The following PDAP1 variants were observed in gnomAD, a reference collection of about 807,000 sequenced individuals.
The protein encoded by PDAP1 is PDGFA associated protein 1.
Under a neutral mutation model 28.0 loss-of-function variants are expected in PDAP1, and 13 were observed. The ratio of observed to expected loss-of-function variants is 0.46; its 90% CI spans 0.30 to 0.74. PDAP1 has a LOEUF of 0.74. Ranked by LOEUF, PDAP1 falls within the 30% of genes least tolerant of loss-of-function variation. The probability of loss-of-function intolerance (pLI) is 0.07; values close to 1 mark genes in which losing one functional copy is unlikely to be tolerated. For missense variants in PDAP1, 150 were observed against 230.0 expected, an observed-to-expected ratio of 0.65 and a Z score of 2.25; for synonymous variants, 77 against 85.1, an observed-to-expected ratio of 0.91 and a Z score of 0.52.
At chr7:99,403,848 C>G (rs945126352) in intron 2 of PDAP1, among the ~76,000 whole-genome samples, 2 of 152,158 alleles carry the variant, frequency 1.3e-5, no homozygotes, top group African/African-American at 4.8e-5. Context: ...AGCCACCAGG[C>G]TGAAAACCAC....
At chr7:99,398,123 G>A (rs752321152) in intron 4 of PDAP1, 110 bp from the exon 5 acceptor site, 14 of 1,281,960 alleles carry the variant, frequency 1.1e-5, no homozygotes, top group African/African-American at 1.5e-5. Flanking sequence ...AGGTGGAAGG[G>A]GTGCCCTGGC....
intron 5 of PDAP1, 112 bp downstream of exon 5, chr7:99,397,750 G>T: frequency 7.5e-7 from 1 of 1,335,674 alleles, no homozygotes; most frequent in Non-Finnish European, 1.0e-6. Context: ...CTAGGCAGCA[G>T]TCACTCCTCA....
rs1794715686 is a variant in PDAP1, at chr7:99,394,825, T to C, written c.*1857A>G. On this transcript the variant is annotated 3_prime_UTR_variant, in exon 6 of 6. Transcript: ENST00000350498. The stretch of plus-strand genomic sequence containing the variant: ...AAGTAATTATGGACATGCTTGCCTA[T>C]GTGGAAGGAGAGGTTTTTTGTTATT... 1.6e-6 allele frequency: 2 copies of C among 1,242,420 alleles called. No individual in the cohort carries two copies. The highest frequency in any genetic ancestry group is 3.1e-4 in the Middle Eastern group (1 of 3,262). 77.0% of individuals were successfully genotyped at this position (1,242,420 alleles called of 1,614,324 possible).
intron 2 of PDAP1, among the ~76,000 whole-genome samples, chr7:99,404,571 G>A (rs554295585): frequency 3.3e-5 from 5 of 152,276 alleles, no homozygotes; most frequent in South Asian, 2.1e-4. Context: ...GACAGGTCCT[G>A]CAGGAGGGAG....
At chr7:99,408,489 C>G (rs1002329777) in intron 1 of PDAP1, 47 bp downstream of exon 1, 5 of 1,344,458 alleles carry the variant, frequency 3.7e-6, no homozygotes, top group Admixed American at 3.5e-5. Context: ...GAAGCCGGAC[C>G]TGGGCCGCCC....
rs1030494053 is a variant in PDAP1 at position 99,400,286 on chromosome 7, C to T, written c.335+17G>A. On this transcript the variant is annotated intron_variant, in intron 4 of 5. Transcript: ENST00000350498. Reference sequence around the variant, plus strand: ...GCCTGTATTCCCCGTGACACAAGGCCCAGCCAGTGATGTTACCGTTCTCTC... The same window carrying T: ...GCCTGTATTCCCCGTGACACAAGGCTCAGCCAGTGATGTTACCGTTCTCTC... 1 of 1,612,720 alleles carries T rather than the reference C, an allele frequency of 6.2e-7. No homozygotes were observed. Among genetic ancestry groups the T allele is most frequent in the African/African-American group, 1.3e-5 (1 of 74,886 alleles).
chr7:99,407,775 G>GGATAGAGAACGGGCTAGAA (rs1295993526), intron 1 of PDAP1, among the ~76,000 whole-genome samples: 1 of 152,186 alleles, frequency 6.6e-6, no homozygotes, highest in East Asian at 1.9e-4. Context: ...GGGGGAAACA[G>GGATAGAGAACGGGCTAGAA]GATAGAGAAC....
intron 4 of PDAP1, among the ~76,000 whole-genome samples, chr7:99,399,251 GATA>G (rs894553749): frequency 3.2e-4 from 48 of 152,300 alleles, no homozygotes; most frequent in African/African-American, 1.1e-3. Flanking sequence ...GAGCTGAGGA[GATA>G]ATACCTGGCG....
chr7:99,406,713 T>G (rs1222221790), intron 1 of PDAP1: 6 of 590,794 alleles, frequency 1.0e-5, no homozygotes, highest in Non-Finnish European at 1.3e-5. Context: ...CCACCTGATT[T>G]CCATAGTCTG....
At chr7:99,398,354 G>A (rs937575938) in intron 4 of PDAP1, among the ~76,000 whole-genome samples, 1 of 152,222 alleles carries the variant, frequency 6.6e-6, no homozygotes, top group Non-Finnish European at 1.5e-5. Context: ...GAGTGTTCCA[G>A]AGAAGATGAC....
At chr7:99,405,869 C>A (rs928612487) in intron 1 of PDAP1, among the ~76,000 whole-genome samples, 2 of 152,190 alleles carry the variant, frequency 1.3e-5, no homozygotes, top group Non-Finnish European at 2.9e-5. Context: ...TGTGTCCCTA[C>A]CTTACAGGGT....
Position 99,396,513 on chromosome 7 carries a change from C to A in PDAP1, c.*169G>T, listed in dbSNP as rs919432304. ...CTACCCCTCCCCCAGTCCCCCCCCC[C>A]ATCCCCCAAACAATTTCTGTGCCAA... is the stretch of plus-strand genomic sequence containing the variant. On this transcript the variant is annotated 3_prime_UTR_variant, in exon 6 of 6. Transcript: ENST00000350498. The A allele has an allele frequency of 4.9e-5, 25 of 506,606 alleles. No homozygotes were observed. The highest frequency in any genetic ancestry group is 2.0e-4 in the African/African-American group (9 of 46,022). 31.4% of individuals were successfully genotyped at this position (506,606 alleles called of 1,614,324 possible). A position where few individuals can be genotyped will look rare whatever the true frequency, so the allele number is the denominator to read the frequency against.
chr7:99,394,779 T>TTTAA lies in PDAP1; in HGVS notation c.*1902_*1903insTTAA. 1 of 957,550 alleles carries TTTAA rather than the reference T, an allele frequency of 1.0e-6. No homozygotes were observed. The highest frequency in any genetic ancestry group is 5.3e-5 in the South Asian group (1 of 18,738). 59.3% of individuals were successfully genotyped at this position (957,550 alleles called of 1,614,324 possible). ...GTGGAGGTAATAAAATGCAACTGTG[T>TTTAA]AAAAAAAAAAAAAAAAAAAAAAGTA... On this transcript the variant is annotated 3_prime_UTR_variant, in exon 6 of 6. Coordinates refer to ENST00000350498, the MANE Select transcript of PDAP1 (RefSeq NM_014891.7).
intron 3 of PDAP1, among the ~76,000 whole-genome samples, chr7:99,402,207 C>A (rs1273292367): frequency 1.6e-5 from 2 of 128,356 alleles, no homozygotes; most frequent in Non-Finnish European, 3.2e-5. Flanking sequence ...CCAGCCTGGG[C>A]GACAGAGAGA....
intron 3 of PDAP1, among the ~76,000 whole-genome samples, chr7:99,402,317 C>G (rs190882920): frequency 6.6e-6 from 1 of 150,962 alleles, no homozygotes; most frequent in Admixed American, 6.6e-5. Flanking sequence ...CATAAAGAAA[C>G]CCCATGCCAG....
In PDAP1 at chr7:99,397,958, C is replaced by G. The variant is rs987125280; in HGVS notation, c.391G>C (p.Gly131Arg). The G allele has an allele frequency of 6.2e-7, 1 of 1,614,112 alleles. No homozygotes were observed. The highest frequency in any genetic ancestry group is 2.2e-5 in the East Asian group (1 of 44,904). ...KERYMKMHLA[G>R]KTEQAKADLA... ...TCAGCCTTGGCTTGCTCTGTCTTCC[C>G]GGCCAAGTGCATTTTCATGTAACGC... The change falls in exon 5 of 6, where the codon GGG (glycine) becomes CGG (arginine). Residue 131 changes from glycine to arginine, a missense_variant. By Grantham distance (125) the Gly-to-Arg change is moderately radical. Coordinates refer to ENST00000350498, the MANE Select transcript of PDAP1 (RefSeq NM_014891.7).
intron 4 of PDAP1, 132 bp from the exon 5 acceptor site, chr7:99,398,145 G>A (rs926179469): frequency 5.3e-6 from 5 of 944,666 alleles, no homozygotes; most frequent in Non-Finnish European, 8.2e-6. Context: ...GTGAGTCCCT[G>A]CCTCCATGAA....
chr7:99,394,794 A>T lies in PDAP1; in HGVS notation c.*1888T>A. ...TGCAACTGTGTAAAAAAAAAAAAAAAAAAAAAAGTAATTATGGACATGCTT... is the reference window on the plus strand; with the variant it reads ...TGCAACTGTGTAAAAAAAAAAAAAATAAAAAAAGTAATTATGGACATGCTT... On this transcript the variant is annotated 3_prime_UTR_variant, in exon 6 of 6. Transcript: ENST00000350498. 1.6e-6 allele frequency: 2 copies of T among 1,236,222 alleles called. No individual in the cohort carries two copies. The allele number at this position is 1,236,222 out of a possible 1,614,324, so 76.6% of individuals were successfully genotyped here.
chr7:99,408,451 G>T, intron 1 of PDAP1, 85 bp downstream of exon 1: 1 of 1,246,980 alleles, frequency 8.0e-7, no homozygotes, highest in Non-Finnish European at 1.0e-6. Flanking sequence ...GCTGCTCTCA[G>T]AGACGCGCAC....
Sources: gnomAD v4.1 joint callset for allele counts (sites outside exome capture counted in the v4.1 genomes callset) on GRCh38, gnomAD v4.1.1 for gene constraint, MANE v1.5 for transcripts, NCBI Gene and HGNC (gene_info 2026-07-23, HGNC 2026-07-21) for gene names.